The following PDZK1 variants were observed in gnomAD, a reference collection of about 807,000 sequenced individuals.
PDZK1 encodes the protein Na(+)/H(+) exchange regulatory cofactor NHE-RF3.
In PDZK1, 23 loss-of-function variants were observed where a neutral mutation model predicts 38.1. That is an observed-to-expected ratio of 0.60 (90% confidence interval 0.43 to 0.85). The LOEUF (loss-of-function observed/expected upper bound fraction) is 0.85. Among genes scored for constraint, PDZK1 ranks in the 40% least tolerant of loss-of-function variants. The pLI is 0.00. For synonymous variants in PDZK1, 98 were observed against 186.2 expected, an observed-to-expected ratio of 0.53 and a Z score of 3.86; for missense variants, 297 against 504.3, an observed-to-expected ratio of 0.59 and a Z score of 3.94.
chr1:145,677,257 A>C (rs1653774510), intron 6 of PDZK1, among the ~76,000 whole-genome samples: 1 of 152,096 alleles, frequency 6.6e-6, no homozygotes, highest in Non-Finnish European at 1.5e-5. Context: ...CTTTTAGGTT[A>C]GTATAGTACA....
chr1:145,682,678 G>C (rs1553700653), intron 3 of PDZK1, 42 bp from the exon 4 acceptor site: 1 of 1,568,750 alleles, frequency 6.4e-7, no homozygotes, highest in East Asian at 2.2e-5. Flanking sequence ...AGACACAAGT[G>C]ACTCCCTCTT....
intron 1 of PDZK1, among the ~76,000 whole-genome samples, chr1:145,693,062 T>C (rs781884254): frequency 3.2e-4 from 49 of 152,140 alleles, no homozygotes; most frequent in Non-Finnish European, 5.3e-4. Context: ...AGACAAAACA[T>C]GGGCCAGGGG....
At chr1:145,674,752 G>A (rs1297742660) in intron 6 of PDZK1, among the ~76,000 whole-genome samples, 2 of 152,138 alleles carry the variant, frequency 1.3e-5, no homozygotes, top group African/African-American at 4.8e-5. Flanking sequence ...AAGACAGCCT[G>A]TCGTGGGGCT....
At chr1:145,700,686 C>T (rs1309394904) in intron 1 of PDZK1, among the ~76,000 whole-genome samples, 1 of 152,212 alleles carries the variant, frequency 6.6e-6, no homozygotes, top group Admixed American at 6.5e-5. Flanking sequence ...AGGAAAGAAA[C>T]AGCCCAGGTA....
chr1:145,706,535 A>T (rs587728968), intron 1 of PDZK1, among the ~76,000 whole-genome samples: 1 of 152,284 alleles, frequency 6.6e-6, no homozygotes, highest in East Asian at 1.9e-4. Context: ...GCCAACGCCC[A>T]AATCTTCATA....
chr1:145,690,708 CTTTG>C (rs1416605653), intron 1 of PDZK1, among the ~76,000 whole-genome samples: 2 of 152,204 alleles, frequency 1.3e-5, no homozygotes, highest in Non-Finnish European at 2.9e-5. Context: ...CTCTTAATCT[CTTTG>C]TTTGTAGGCC....
intron 1 of PDZK1, among the ~76,000 whole-genome samples, chr1:145,689,982 G>A (rs1459987239): frequency 6.6e-6 from 1 of 152,210 alleles, no homozygotes; most frequent in African/African-American, 2.4e-5. Context: ...TGACTAAGTA[G>A]CGAAGAAAGA....
chr1:145,700,972 A>C (rs587721191), intron 1 of PDZK1, among the ~76,000 whole-genome samples: 3 of 152,304 alleles, frequency 2.0e-5, no homozygotes, highest in Non-Finnish European at 4.4e-5. Context: ...TGGGAGGCTG[A>C]GACAGGAGGA....
chr1:145,703,707 G>T (rs1571647139), intron 1 of PDZK1, among the ~76,000 whole-genome samples: 1 of 152,196 alleles, frequency 6.6e-6, no homozygotes, highest in East Asian at 1.9e-4. Context: ...GGTTCAGAAA[G>T]ATCAGAGCAC....
At chr1:145,674,313 G>A in intron 6 of PDZK1, 3 of 972,154 alleles carry the variant, frequency 3.1e-6, no homozygotes, top group Non-Finnish European at 3.7e-6. Flanking sequence ...TCGGTAAGAT[G>A]GTCTTCAGAG....
At chr1:145,703,282 GA>G (rs1170302545) in intron 1 of PDZK1, among the ~76,000 whole-genome samples, 1 of 152,194 alleles carries the variant, frequency 6.6e-6, no homozygotes, top group Non-Finnish European at 1.5e-5. Context: ...GTCCTGCCCT[GA>G]AAGAGCCTGG....
At chr1:145,702,660 A>G (rs1396846314) in intron 1 of PDZK1, among the ~76,000 whole-genome samples, 2 of 152,106 alleles carry the variant, frequency 1.3e-5, no homozygotes, top group Non-Finnish European at 2.9e-5. Flanking sequence ...TTGGGAGGCC[A>G]AGGCAGGCGG....
chr1:145,683,908 G>A (rs1268782362), intron 3 of PDZK1, among the ~76,000 whole-genome samples: 1 of 149,380 alleles, frequency 6.7e-6, no homozygotes, highest in African/African-American at 2.5e-5. Context: ...ACGCAGGGCC[G>A]CAATCTTGGC....
chr1:145,706,969 T>A (rs1553705828), intron 1 of PDZK1, among the ~76,000 whole-genome samples: 1 of 152,046 alleles, frequency 6.6e-6, no homozygotes, highest in Non-Finnish European at 1.5e-5. Flanking sequence ...CCCGGGCATA[T>A]CCGCCTGGTT....
chr1:145,703,854 A>C (rs1423084489), intron 1 of PDZK1, among the ~76,000 whole-genome samples: 4 of 151,828 alleles, frequency 2.6e-5, no homozygotes, highest in Non-Finnish European at 5.9e-5. Context: ...GAGGGATGGA[A>C]TCTTGCTCTT....
At chr1:145,705,075 G>T (rs1656172852) in intron 1 of PDZK1, among the ~76,000 whole-genome samples, 1 of 152,088 alleles carries the variant, frequency 6.6e-6, no homozygotes, top group Non-Finnish European at 1.5e-5. Flanking sequence ...ATCTGGCAAA[G>T]GTGACAAGTA....
At chr1:145,679,026 T>G (rs1653985879) in intron 5 of PDZK1, among the ~76,000 whole-genome samples, 1 of 151,720 alleles carries the variant, frequency 6.6e-6, no homozygotes. Flanking sequence ...TGGGGAAGAA[T>G]AAAGAACAAA....
chr1:145,695,231 GC>G (rs1553703942), intron 1 of PDZK1, among the ~76,000 whole-genome samples: 1 of 151,954 alleles, frequency 6.6e-6, no homozygotes, highest in African/African-American at 2.4e-5. Context: ...GACCAGCCTG[GC>G]CAACATGGCG....
intron 1 of PDZK1, among the ~76,000 whole-genome samples, chr1:145,700,508 G>T (rs1046907468): frequency 2.0e-5 from 3 of 152,126 alleles, no homozygotes; most frequent in Non-Finnish European, 4.4e-5. Flanking sequence ...CCCAGAGAGG[G>T]ACCTTCATAG....
Sources: gnomAD v4.1 joint callset for allele counts (sites outside exome capture counted in the v4.1 genomes callset) on GRCh38, gnomAD v4.1.1 for gene constraint, MANE v1.5 for transcripts, NCBI Gene and HGNC (gene_info 2026-07-23, HGNC 2026-07-21) for gene names.